TAF5L: variants seen among roughly 807,000 people sequenced by gnomAD.
The protein encoded by TAF5L is TATA-box binding protein associated factor 5 like.
TAF5L carries 7 observed loss-of-function variants against 51.3 expected under a neutral mutation model. The ratio of observed to expected loss-of-function variants is 0.14; its 90% CI spans 0.08 to 0.26. TAF5L has a LOEUF of 0.26. Among genes scored for constraint, TAF5L ranks in the 10% least tolerant of loss-of-function variants. The probability of loss-of-function intolerance (pLI) is 1.00; values close to 1 mark genes in which losing one functional copy is unlikely to be tolerated. For missense variants in TAF5L, 575 were observed against 758.9 expected, an observed-to-expected ratio of 0.76 and a Z score of 2.85; for synonymous variants, 291 against 308.1, an observed-to-expected ratio of 0.94 and a Z score of 0.58.
exon 5 of TAF5L, chr1:229,593,539 C>A (rs989111047): frequency 6.6e-6 from 1 of 152,028 alleles, no homozygotes; most frequent in Non-Finnish European, 1.5e-5. Context: ...TCAAACCCAC[C>A]CACCCACTTC....
intron 2 of TAF5L, 129 bp from the exon 3 acceptor site, chr1:229,610,339 C>G: frequency 3.8e-6 from 3 of 794,172 alleles, no homozygotes; most frequent in Non-Finnish European, 6.2e-6. Context: ...AGCAGGTTTC[C>G]AAAGCATGCT....
In TAF5L at chr1:229,611,328, G is replaced by C. The variant is rs186038374; in HGVS notation, c.143-1118C>G. Among the ~76,000 whole-genome samples, 1,129 of 152,172 alleles carry C rather than the reference G, an allele frequency of 7.4e-3. 13 individuals carry two copies. The highest frequency in any genetic ancestry group is 0.013 in the Non-Finnish European group (878 of 68,022). ...CTCCTCCTGTTTACAAGAGGAGTGG[G>C]GAACACCGGGGAAAGAAGGTGGCTA... On this transcript the variant is annotated intron_variant, in intron 2 of 4. Transcript: ENST00000258281.
intron 4 of TAF5L, chr1:229,601,024 A>G (rs1182485019): frequency 1.0e-6 from 1 of 983,394 alleles, no homozygotes; most frequent in Non-Finnish European, 1.2e-6. Context: ...AGATGTTTGA[A>G]AATTCAAATA....
In TAF5L at chr1:229,600,411, A is replaced by G. The variant is rs927885555; in HGVS notation, c.972+1784T>C. ...GGAAAGCCAGAAATGCTTAAACAAA[A>G]CCACCATTCCAATGACGTCTTTTGC... On this transcript the variant is annotated intron_variant, in intron 4 of 4. Coordinates refer to ENST00000258281, the Ensembl canonical transcript of TAF5L. The G allele has an allele frequency of 2.2e-4, 221 of 985,240 alleles. 1 individual carries two copies. Among genetic ancestry groups the G allele is most frequent in the Middle Eastern group, 5.2e-4 (1 of 1,936 alleles). 61.0% of individuals were successfully genotyped at this position (985,240 alleles called of 1,614,324 possible). A position where few individuals can be genotyped will look rare whatever the true frequency, so the allele number is the denominator to read the frequency against.
chr1:229,616,978 T>A (rs1665026931), intron 1 of TAF5L, among the ~76,000 whole-genome samples: 1 of 152,224 alleles, frequency 6.6e-6, no homozygotes. Context: ...AACACAATAA[T>A]AAATTTCCAA....
intron 4 of TAF5L, chr1:229,601,644 C>G: frequency 2.0e-6 from 2 of 986,846 alleles, no homozygotes; most frequent in Non-Finnish European, 2.4e-6. Flanking sequence ...GGGAACACCC[C>G]GGGGTACATG....
At position 229,625,147 on chromosome 1, in the gene TAF5L, C is replaced by T. The variant is rs1382469510; in HGVS notation, c.-4+738G>A. On this transcript the variant is annotated intron_variant, in intron 1 of 4. Coordinates refer to ENST00000258281, the Ensembl canonical transcript of TAF5L. This position sits in a 1 kb window ranked among gnomAD's most constrained non-coding sequence, Gnocchi z 4.0. ...GAACTGCATGTAGCGTTCCTGCACTCCACTTCCGCTAAGTCTAAAATGACA... is the reference window on the plus strand; with the variant it reads ...GAACTGCATGTAGCGTTCCTGCACTTCACTTCCGCTAAGTCTAAAATGACA... Among the ~76,000 whole-genome samples the T allele has an allele frequency of 6.6e-6, 1 of 152,236 alleles. No homozygotes were observed. Among genetic ancestry groups the T allele is most frequent in the Admixed American group, 6.5e-5 (1 of 15,292 alleles).
At chr1:229,607,459 C>T (rs1415401862) in intron 3 of TAF5L, 1 of 985,316 alleles carries the variant, frequency 1.0e-6, no homozygotes, top group Non-Finnish European at 1.2e-6. Flanking sequence ...AGTCGTCAAG[C>T]CTGCCTTTTT....
At chr1:229,604,392 G>A (rs1664505781) in intron 3 of TAF5L, among the ~76,000 whole-genome samples, 1 of 152,146 alleles carries the variant, frequency 6.6e-6, no homozygotes, top group South Asian at 2.1e-4. Context: ...TTTAGAGGAT[G>A]AAAAATTACA....
rs558879424 is a variant in TAF5L at position 229,594,122 on chromosome 1, C to T, written c.*175G>A. ...GCCTCTCTCCTGTTCCCCTCCCCAA[C>T]CTTGGCCTTCGACACTGGGGGGCTG... On this transcript the variant is annotated 3_prime_UTR_variant, in exon 5 of 5. Transcript: ENST00000258281. This position sits in a 1 kb window ranked among gnomAD's most constrained non-coding sequence, Gnocchi z 7.9. 7 of 689,894 alleles carry T rather than the reference C, an allele frequency of 1.0e-5. No homozygotes were observed. In the African/African-American group the frequency reaches 1.1e-4, roughly 11 times the overall value. 42.7% of individuals were successfully genotyped at this position (689,894 alleles called of 1,614,324 possible).
Position 229,602,492 on chromosome 1 carries a change from G to C in TAF5L, c.675C>G (p.Pro225=). ...GCAGAATAGGGCTGGGCATGTCGGG[G>C]GGCTCCAAACCGTTGTTCTCACTGC... Residue 225 remains proline (P), a synonymous_variant, in exon 4 of 5, where the codon CCC becomes CCG. Coordinates refer to ENST00000258281, the Ensembl canonical transcript of TAF5L. This position sits in a 1 kb window ranked among gnomAD's most constrained non-coding sequence, Gnocchi z 4.6. The C allele has an allele frequency of 6.2e-7, 1 of 1,614,102 alleles. No homozygotes were observed. Among genetic ancestry groups the C allele is most frequent in the East Asian group, 2.2e-5 (1 of 44,882 alleles).
chr1:229,601,023 AAAATTCAAAT>A (rs1402562675), intron 4 of TAF5L: 34 of 983,588 alleles, frequency 3.5e-5, no homozygotes, highest in Non-Finnish European at 3.6e-6. Context: ...GAGATGTTTG[AAAATTCAAAT>A]ACAAATGTAA....
Position 229,594,489 on chromosome 1 carries a change from G to A in TAF5L, c.1578C>T (p.Ala526=), listed in dbSNP as rs1664044012. The A allele has an allele frequency of 6.2e-7, 1 of 1,614,154 alleles. No homozygotes were observed. The highest frequency in any genetic ancestry group is 1.1e-5 in the South Asian group (1 of 91,082). Residue 526 remains alanine, a synonymous_variant, in exon 5 of 5, where the codon GCC becomes GCT. Coordinates refer to ENST00000258281, the Ensembl canonical transcript of TAF5L. This position sits in a 1 kb window ranked among gnomAD's most constrained non-coding sequence, Gnocchi z 7.9. ...GCACCGAGTTGTCCATGGAGGCAGAGGCAATCAAGCCGCTGTCTGGACTGA... is the reference window on the plus strand; with the variant it reads ...GCACCGAGTTGTCCATGGAGGCAGAAGCAATCAAGCCGCTGTCTGGACTGA...
intron 2 of TAF5L, among the ~76,000 whole-genome samples, chr1:229,613,891 A>G (rs533989004): frequency 6.6e-6 from 1 of 152,302 alleles, no homozygotes; most frequent in South Asian, 2.1e-4. Context: ...AATAATAATA[A>G]TATTTCCAAC....
At chr1:229,606,344 AG>A in intron 3 of TAF5L, 2 of 922,454 alleles carry the variant, frequency 2.2e-6, no homozygotes, top group Non-Finnish European at 2.6e-6. Flanking sequence ...TAACTGCAAA[AG>A]TAACAAACAT....
At position 229,600,055 on chromosome 1, in the gene TAF5L, T is replaced by C. The variant is rs112503463; in HGVS notation, c.972+2140A>G. 3,072 of 978,088 alleles carry C rather than the reference T, an allele frequency of 3.1e-3. 80 individuals are homozygous for C. In the African/African-American group the frequency reaches 0.048, roughly 15 times the overall value. The allele number at this position is 978,088 out of a possible 1,614,324, so 60.6% of individuals were successfully genotyped here. ...ATTAAGAGTCTCTATTTTATTTTTTTTAATATTCAATATTTCATTTCAAAA... is the reference window on the plus strand; with the variant it reads ...ATTAAGAGTCTCTATTTTATTTTTTCTAATATTCAATATTTCATTTCAAAA... On this transcript the variant is annotated intron_variant, in intron 4 of 4. Transcript: ENST00000258281.
chr1:229,606,417 C>T (rs140382694), intron 3 of TAF5L: 1 of 985,094 alleles, frequency 1.0e-6, no homozygotes, highest in Non-Finnish European at 1.2e-6. Flanking sequence ...TGAATGCCTA[C>T]CTGGTGCCCA....
At chr1:229,605,944 G>A (rs1205833594) in intron 3 of TAF5L, among the ~76,000 whole-genome samples, 1 of 152,162 alleles carries the variant, frequency 6.6e-6, no homozygotes, top group Non-Finnish European at 1.5e-5. Flanking sequence ...CGAGAACTGT[G>A]ACTAGATTTT....
Position 229,602,884 on chromosome 1 carries a change from G to C in TAF5L, c.283C>G (p.Leu95Val). 1 of 1,605,130 alleles carries C rather than the reference G, an allele frequency of 6.2e-7. No individual in the cohort carries two copies. Among genetic ancestry groups the C allele is most frequent in the South Asian group, 1.1e-5 (1 of 90,864 alleles). Reference sequence around the variant, plus strand: ...AGGTAGACAAAGAGAGGATAGAGGAGAGGCATCACTTCGTGGCTATGCTGG... The same window carrying C: ...AGGTAGACAAAGAGAGGATAGAGGACAGGCATCACTTCGTGGCTATGCTGG... The change falls in exon 4 of 5, where the codon CTC becomes GTC. Residue 95 changes from leucine (L) to valine (V), a missense_variant. Leu to Val is a conservative substitution (Grantham distance 32, BLOSUM62 1). Coordinates refer to ENST00000258281, the Ensembl canonical transcript of TAF5L. The surrounding 1 kb of genome is among the most constrained non-coding windows in gnomAD (Gnocchi z 4.6).
Sources: gnomAD v4.1 joint callset for allele counts (sites outside exome capture counted in the v4.1 genomes callset) on GRCh38, gnomAD v4.1.1 for gene constraint, Gnocchi (gnomAD v3.1) non-coding constraint, MANE v1.5 for transcripts, NCBI Gene and HGNC (gene_info 2026-07-23, HGNC 2026-07-21) for gene names.